GFOD1: variants seen among roughly 807,000 people sequenced by gnomAD.
GFOD1 encodes the protein Gfo/Idh/MocA-like oxidoreductase domain containing 1, also known as glucose-fructose oxidoreductase domain-containing protein 1.
Under a neutral mutation model 25.4 loss-of-function variants are expected in GFOD1, and 9 were observed. That is an observed-to-expected ratio of 0.35 (90% CI 0.21 to 0.62). The LOEUF (loss-of-function observed/expected upper bound fraction) is 0.62, where lower values mean the gene tolerates loss of function less well. Ranked by LOEUF, GFOD1 falls within the 20% of genes least tolerant of loss-of-function variation. The probability of loss-of-function intolerance (pLI) is 0.72; values close to 1 mark genes in which losing one functional copy is unlikely to be tolerated. For missense variants in GFOD1, 403 were observed against 556.9 expected, an observed-to-expected ratio of 0.72 and a Z score of 2.78; for synonymous variants, 253 against 245.6, an observed-to-expected ratio of 1.03 and a Z score of -0.28.
intron 1 of GFOD1, among the ~76,000 whole-genome samples, chr6:13,375,382 T>A (rs1382956314): frequency 6.6e-6 from 1 of 152,158 alleles, no homozygotes; most frequent in Non-Finnish European, 1.5e-5. Flanking sequence ...CTGAAGACAA[T>A]CATGCGACTG....
chr6:13,409,153 G>T (rs774012188), intron 1 of GFOD1, among the ~76,000 whole-genome samples: 1 of 44,444 alleles, frequency 2.3e-5, no homozygotes, highest in Admixed American at 3.1e-4. Flanking sequence ...AAGAAAGAGA[G>T]GAAAGAAAGA....
Position 13,426,413 on chromosome 6 carries a change from A to G in GFOD1, c.253+60225T>C, listed in dbSNP as rs575667159. Among the ~76,000 whole-genome samples, 9 of 152,360 alleles carry G rather than the reference A, an allele frequency of 5.9e-5. No homozygotes were observed. The East Asian group carries it at 1.2e-3, about 20-fold the overall frequency. ...CTCTTACTGTGCCATCTGGGCCACA[A>G]GGGAAATGGGAGCAGTGAAGTGGAG... On this transcript the variant is annotated intron_variant, in intron 1 of 1. Transcript: ENST00000379287.
chr6:13,482,893 T>C (rs1758783890), intron 1 of GFOD1, among the ~76,000 whole-genome samples: 1 of 151,506 alleles, frequency 6.6e-6, no homozygotes, highest in South Asian at 2.1e-4. Context: ...AATATATGCA[T>C]ATATTTTATG....
At chr6:13,410,772 G>T (rs1786063835) in intron 1 of GFOD1, among the ~76,000 whole-genome samples, 1 of 151,952 alleles carries the variant, frequency 6.6e-6, no homozygotes, top group African/African-American at 2.4e-5. Context: ...GACCAATATA[G>T]GTCTGACCAA....
At chr6:13,437,351 A>G (rs1346373451) in intron 1 of GFOD1, among the ~76,000 whole-genome samples, 5 of 152,158 alleles carry the variant, frequency 3.3e-5, no homozygotes, top group Admixed American at 6.5e-5. Flanking sequence ...TCTTAACTCT[A>G]AAAGTCACCT....
chr6:13,472,284 T>C (rs565783153), intron 1 of GFOD1, among the ~76,000 whole-genome samples: 1 of 152,236 alleles, frequency 6.6e-6, no homozygotes, highest in South Asian at 2.1e-4. Flanking sequence ...TTTTATTTAG[T>C]TTTATGTAAA....
chr6:13,443,513 G>A (rs1180350503), intron 1 of GFOD1, among the ~76,000 whole-genome samples: 1 of 150,680 alleles, frequency 6.6e-6, no homozygotes, highest in Non-Finnish European at 1.5e-5. Flanking sequence ...CTTCATCATT[G>A]TCTTATTTTA....
At chr6:13,406,365 C>T (rs899842349) in intron 1 of GFOD1, among the ~76,000 whole-genome samples, 1 of 152,158 alleles carries the variant, frequency 6.6e-6, no homozygotes, top group African/African-American at 2.4e-5. Flanking sequence ...CCCCTCCTCC[C>T]CTGGCCCCTG....
intron 1 of GFOD1, among the ~76,000 whole-genome samples, chr6:13,374,320 T>C (rs1406818445): frequency 5.9e-5 from 9 of 151,282 alleles, no homozygotes; most frequent in Admixed American, 4.6e-4. Context: ...TTTTTTTTTT[T>C]TGAGACAGAG....
intron 1 of GFOD1, among the ~76,000 whole-genome samples, chr6:13,480,906 T>C (rs1008579774): frequency 6.6e-6 from 1 of 152,194 alleles, no homozygotes; most frequent in African/African-American, 2.4e-5. Context: ...ACATTCTCTT[T>C]AGAACCTTTT....
At chr6:13,418,647 GCTC>G (rs1786201082) in intron 1 of GFOD1, among the ~76,000 whole-genome samples, 1 of 152,102 alleles carries the variant, frequency 6.6e-6, no homozygotes, top group African/African-American at 2.4e-5. Flanking sequence ...TGTCACCTCT[GCTC>G]CTCATTTCTT....
chr6:13,479,269 A>T (rs1758696966), intron 1 of GFOD1, among the ~76,000 whole-genome samples: 1 of 152,238 alleles, frequency 6.6e-6, no homozygotes. Flanking sequence ...CTTGATGCAG[A>T]GAGCTGAGGG....
chr6:13,421,116 TG>T (rs1786249170), intron 1 of GFOD1, among the ~76,000 whole-genome samples: 1 of 152,162 alleles, frequency 6.6e-6, no homozygotes, highest in Admixed American at 6.5e-5. Context: ...AAAGAGAGTA[TG>T]GTACATTTAT....
intron 1 of GFOD1, among the ~76,000 whole-genome samples, chr6:13,422,725 C>CA (rs1786281370): frequency 6.6e-6 from 1 of 152,166 alleles, no homozygotes; most frequent in African/African-American, 2.4e-5. Flanking sequence ...ACCCAGATAC[C>CA]AGTAGGCTGG....
Position 13,360,680 on chromosome 6 carries a change from A to G in GFOD1, c.*4063T>C. 1 of 456,402 alleles carries G rather than the reference A, an allele frequency of 2.2e-6. No homozygotes were observed. The highest frequency in any genetic ancestry group is 7.0e-5 in the East Asian group (1 of 14,388). 28.3% of individuals were successfully genotyped at this position (456,402 alleles called of 1,614,324 possible). A position where few individuals can be genotyped will look rare whatever the true frequency, so the allele number is the denominator to read the frequency against. On this transcript the variant is annotated 3_prime_UTR_variant, in exon 2 of 2. Transcript: ENST00000379287. ...ATGGGAAGAAACACTGGCTACTTCT[A>G]TGTGCAGCTCTACAGCCTCCTGGCA... is the stretch of plus-strand genomic sequence containing the variant.
chr6:13,433,456 G>GT, intron 1 of GFOD1, among the ~76,000 whole-genome samples: 1 of 152,262 alleles, frequency 6.6e-6, no homozygotes, highest in East Asian at 1.9e-4. Context: ...TGACTGTCCT[G>GT]TGCATCATAG....
chr6:13,460,922 A>C (rs1215178302), intron 1 of GFOD1, among the ~76,000 whole-genome samples: 2 of 152,162 alleles, frequency 1.3e-5, no homozygotes, highest in Non-Finnish European at 2.9e-5. Flanking sequence ...AGAGTTTGCC[A>C]ATTTTTGCCC....
intron 1 of GFOD1, among the ~76,000 whole-genome samples, chr6:13,393,259 G>A (rs1352334689): frequency 1.3e-5 from 2 of 151,686 alleles, no homozygotes; most frequent in Non-Finnish European, 2.9e-5. Context: ...AGGAGGCTGA[G>A]GGAGGAGAAT....
At chr6:13,401,728 T>C (rs892170984) in intron 1 of GFOD1, among the ~76,000 whole-genome samples, 5 of 152,212 alleles carry the variant, frequency 3.3e-5, no homozygotes, top group Non-Finnish European at 5.9e-5. Context: ...AAACCTAATA[T>C]TGATAAGACA....
Sources: allele counts gnomAD v4.1 joint callset (sites outside exome capture counted in the v4.1 genomes callset), GRCh38; gene constraint gnomAD v4.1.1; transcripts MANE v1.5; gene names NCBI Gene and HGNC (gene_info 2026-07-23, HGNC 2026-07-21).